SLC17A5: variants seen among roughly 807,000 people sequenced by gnomAD.
SLC17A5 encodes the protein sialin.
SLC17A5 carries 47 observed loss-of-function variants against 59.4 expected under a neutral mutation model. The ratio of observed to expected loss-of-function variants is 0.79; its 90% confidence interval spans 0.63 to 1.01. SLC17A5 has a LOEUF of 1.01. SLC17A5 is among the 50% of genes least tolerant of loss of function. The pLI is 0.00. For missense variants in SLC17A5, 522 were observed against 595.5 expected, an observed-to-expected ratio of 0.88 and a Z score of 1.28; for synonymous variants, 202 against 210.7, an observed-to-expected ratio of 0.96 and a Z score of 0.36.
chr6:73,636,205 G>A (rs1440257930), intron 5 of SLC17A5, among the ~76,000 whole-genome samples: 1 of 148,922 alleles, frequency 6.7e-6, no homozygotes, highest in East Asian at 2.0e-4. Flanking sequence ...ATGTCTATGT[G>A]AAAATCTAAT....
intron 1 of SLC17A5, chr6:73,653,282 G>A (rs1769953483): frequency 4.1e-6 from 4 of 985,288 alleles, no homozygotes; most frequent in Non-Finnish European, 4.8e-6. Flanking sequence ...ACATGCTGGC[G>A]GATACGCAGT....
rs1413775964 is a variant in SLC17A5 at position 73,594,619 on chromosome 6, A to G, written c.*458T>C. 5.0e-6 allele frequency: 1 copy of G among 201,936 alleles called. No homozygotes were observed. The highest frequency in any genetic ancestry group is 2.4e-5 in the African/African-American group (1 of 42,128). 12.5% of individuals were successfully genotyped at this position (201,936 alleles called of 1,614,324 possible). ...GTCCAGTTGCCAGGCGAAATTATAC[A>G]GTGGATGGCAGCTCCACAGAGATGC... On this transcript the variant is annotated 3_prime_UTR_variant, in exon 11 of 11. Transcript: ENST00000355773.
At chr6:73,629,992 C>CT (rs1257396347) in intron 6 of SLC17A5, among the ~76,000 whole-genome samples, 1 of 144,078 alleles carries the variant, frequency 6.9e-6, no homozygotes, top group Non-Finnish European at 1.5e-5. Flanking sequence ...ATTTTTATTT[C>CT]TCTATTTTTT....
intron 6 of SLC17A5, among the ~76,000 whole-genome samples, chr6:73,634,123 T>C (rs1433027441): frequency 6.6e-6 from 1 of 152,164 alleles, no homozygotes; most frequent in East Asian, 1.9e-4. Flanking sequence ...TAGATTTTTA[T>C]TTGTGATTTG....
intron 6 of SLC17A5, among the ~76,000 whole-genome samples, chr6:73,631,424 GAT>G (rs1768708661): frequency 1.3e-5 from 2 of 151,756 alleles, no homozygotes; most frequent in Admixed American, 1.3e-4. Flanking sequence ...CCACCTTCTA[GAT>G]AAAAATTCAT....
chr6:73,650,602 GGAGGGTCA>G (rs201196891), intron 1 of SLC17A5, among the ~76,000 whole-genome samples: 1,830 of 151,424 alleles, frequency 0.012, 37 homozygotes, highest in African/African-American at 0.04. Context: ...AGCTTAGGTA[GGAGGGTCA>G]CTTGAGCCTG....
chr6:73,645,591 A>C (rs564322997), intron 1 of SLC17A5: 1 of 558,568 alleles, frequency 1.8e-6, no homozygotes, highest in South Asian at 7.9e-5. Flanking sequence ...GATCGAGACC[A>C]TCCTGGCTAA....
chr6:73,618,227 TTAAAA>T (rs1167979322), intron 7 of SLC17A5: 1,494 of 141,974 alleles, frequency 0.011, 28 homozygotes, highest in Middle Eastern at 0.014. Context: ...AGACTCAGTC[TTAAAA>T]TAAAATAAAA....
chr6:73,649,855 GAA>G (rs1172448570), intron 1 of SLC17A5, among the ~76,000 whole-genome samples: 1 of 152,130 alleles, frequency 6.6e-6, no homozygotes, highest in Non-Finnish European at 1.5e-5. Context: ...AGAAATTGTT[GAA>G]GAGAGTGGGG....
rs978772293 is a variant in SLC17A5 at position 73,651,564 on chromosome 6, C to T, written c.94+2229G>A. On this transcript the variant is annotated intron_variant, in intron 1 of 10. Transcript: ENST00000355773. The stretch of plus-strand genomic sequence containing the variant: ...ATTTTATTATTATTATTTTTTGAGA[C>T]GAAGTCTTGCTCTTGTCACCCAGGC... Among the ~76,000 whole-genome samples the T allele has an allele frequency of 1.1e-4, 17 of 149,744 alleles. No homozygotes were observed. In the South Asian group the frequency reaches 1.5e-3, roughly 13 times the overall value.
chr6:73,647,293 A>G (rs1769627450), intron 1 of SLC17A5, among the ~76,000 whole-genome samples: 1 of 152,250 alleles, frequency 6.6e-6, no homozygotes, highest in Non-Finnish European at 1.5e-5. Context: ...AGGAATGTAC[A>G]GTCAGGGAGA....
chr6:73,641,135 A>G (rs1414202906), intron 3 of SLC17A5, among the ~76,000 whole-genome samples: 1 of 152,082 alleles, frequency 6.6e-6, no homozygotes, highest in African/African-American at 2.4e-5. Context: ...GCTGGAGTGC[A>G]GTGGCGCGAT....
rs763107462 is a variant in SLC17A5 at position 73,595,140 on chromosome 6, T to C, written c.1425A>G (p.Thr475=). The C allele has an allele frequency of 5.0e-6, 8 of 1,613,998 alleles. No homozygotes were observed. In the Admixed American group the frequency reaches 6.7e-5, roughly 13 times the overall value. ...AINVFGAIFF[T]LFAKGEVQNW... ...TTTGTACTTCACCTTTGGCGAATAG[T>C]GTAAAGAAAATGGCACCAAAAACAT... is the stretch of plus-strand genomic sequence containing the variant. The change falls in exon 11 of 11, where the codon ACA becomes ACG. Residue 475 remains threonine (T), a synonymous_variant. Coordinates refer to ENST00000355773, the MANE Select transcript of SLC17A5 (RefSeq NM_012434.5).
At chr6:73,601,449 C>G (rs1318659460) in intron 9 of SLC17A5, among the ~76,000 whole-genome samples, 1 of 135,850 alleles carries the variant, frequency 7.4e-6, no homozygotes, top group African/African-American at 2.7e-5. Context: ...CCGCCCCGTC[C>G]GGGAGGGAGG....
rs1205288244 is a variant in SLC17A5 at position 73,595,191 on chromosome 6, G to A, written c.1374C>T (p.Thr458=). ...TPDNTVGEWQ[T]VFYIAAAINV... ...TAATAGCAGCAGCAATATAGAACAC[G>A]GTTTGCCATTCTCCAACAGTGTTCT... is the stretch of plus-strand genomic sequence containing the variant. The change falls in exon 11 of 11, where the codon ACC becomes ACT. Residue 458 remains threonine (T), a synonymous_variant. Transcript: ENST00000355773. The A allele has an allele frequency of 4.3e-6, 7 of 1,613,940 alleles. No individual in the cohort carries two copies. The South Asian group carries it at 4.4e-5, about 10-fold the overall frequency.
intron 8 of SLC17A5, among the ~76,000 whole-genome samples, chr6:73,612,564 C>T (rs475461): frequency 0.47 from 71,707 of 151,638 alleles, 17,471 homozygotes; most frequent in African/African-American, 0.58. Flanking sequence ...AGTTTTATTT[C>T]TACGTACATT....
chr6:73,606,450 C>A (rs182194477), intron 9 of SLC17A5, among the ~76,000 whole-genome samples: 1 of 152,222 alleles, frequency 6.6e-6, no homozygotes, highest in Non-Finnish European at 1.5e-5. Context: ...ACTGCTACAA[C>A]TATTTGCTGG....
intron 6 of SLC17A5, among the ~76,000 whole-genome samples, chr6:73,625,459 T>A (rs1005466623): frequency 6.6e-6 from 1 of 152,182 alleles, no homozygotes; most frequent in Admixed American, 6.5e-5. Flanking sequence ...AGTGCTGGGA[T>A]TACAAGCGTG....
At chr6:73,605,104 C>T (rs72947486) in intron 9 of SLC17A5, among the ~76,000 whole-genome samples, 1 of 152,110 alleles carries the variant, frequency 6.6e-6, no homozygotes, top group Admixed American at 6.5e-5. Context: ...CTTGGCCTTC[C>T]GAAGTCCTGG....
Sources: gnomAD v4.1 joint callset for allele counts (sites outside exome capture counted in the v4.1 genomes callset) on GRCh38, gnomAD v4.1.1 for gene constraint, MANE v1.5 for transcripts, NCBI Gene and HGNC (gene_info 2026-07-23, HGNC 2026-07-21) for gene names.